The following MEN1 variants were observed in gnomAD, a reference collection of about 807,000 sequenced individuals.
The protein encoded by MEN1 is menin 1, also known as menin.
In MEN1, 6 loss-of-function variants were observed where a neutral mutation model predicts 58.0. The observed-to-expected ratio is 0.10, with a 90% CI of 0.06 to 0.20. The LOEUF is 0.20. Among genes scored for constraint, MEN1 ranks in the 10% least tolerant of loss-of-function variants. MEN1 has a pLI of 1.00. For missense variants in MEN1, 492 were observed against 818.5 expected, an observed-to-expected ratio of 0.60 and a Z score of 4.87; for synonymous variants, 346 against 350.7, an observed-to-expected ratio of 0.99 and a Z score of 0.15.
Position 64,807,223 on chromosome 11 carries a change from G to A in MEN1, c.784-4C>T, listed in dbSNP as rs1941794825. 3 of 1,612,848 alleles carry A rather than the reference G, an allele frequency of 1.9e-6. No homozygotes were observed. Among genetic ancestry groups the A allele is most frequent in the Non-Finnish European group, 2.5e-6 (3 of 1,179,814 alleles). ...CATAGAGCAGCCAGAGCAGCTTCTA[G>A]GAGCCGAAGGAGAGAGTTATGAGCC... On this transcript the variant is annotated splice_region_variant and splice_polypyrimidine_tract_variant and intron_variant, in intron 4 of 9. Transcript: ENST00000450708. This position sits in a 1 kb window ranked among gnomAD's most constrained non-coding sequence, Gnocchi z 4.9.
Position 64,807,381 on chromosome 11 carries a change from A to T in MEN1, c.784-162T>A, listed in dbSNP as rs1941806513. ...TTTAATGGAGTCAAAGCAATTTCAC[A>T]TCTCAATTCTACTCTCCCAAGAGCC... is the stretch of plus-strand genomic sequence containing the variant. On this transcript the variant is annotated intron_variant, in intron 4 of 9. Coordinates refer to ENST00000450708, the MANE Select transcript of MEN1 (RefSeq NM_001370259.2). The surrounding 1 kb of genome is among the most constrained non-coding windows in gnomAD (Gnocchi z 4.9). 6.6e-6 allele frequency among the ~76,000 whole-genome samples: 1 copy of T among 152,214 alleles called. No individual in the cohort carries two copies.
Position 64,809,562 on chromosome 11 carries a change from G to A in MEN1, c.445+103C>T. On this transcript the variant is annotated intron_variant, in intron 2 of 9. Transcript: ENST00000450708. ...AACTGCAAAGAGGAAAATAACACCTGCCGAACCTCACAAGGCTTACAGTTC... is the reference window on the plus strand; with the variant it reads ...AACTGCAAAGAGGAAAATAACACCTACCGAACCTCACAAGGCTTACAGTTC... The A allele has an allele frequency of 5.6e-6, 8 of 1,426,062 alleles. No individual in the cohort carries two copies. In the South Asian group the frequency reaches 1.0e-4, roughly 18 times the overall value. The allele number at this position is 1,426,062 out of a possible 1,614,324, so 88.3% of individuals were successfully genotyped here.
Position 64,807,581 on chromosome 11 carries a change from C to G in MEN1, c.754G>C (p.Asp252His), listed in dbSNP as rs770368608. Reference sequence around the variant, plus strand: ...TGCAGCTGCAGAAGCTCCAGCGAGTCGGTGTGCAGGTCAATGGAAGGGTTG... The same window carrying G: ...TGCAGCTGCAGAAGCTCCAGCGAGTGGGTGTGCAGGTCAATGGAAGGGTTG... The part of the protein sequence containing the change: ...AINPSIDLHT[D>H]SLELLQLQQK... The change falls in exon 4 of 10, where the codon GAC (aspartate) becomes CAC (histidine). Residue 252 changes from aspartate (D) to histidine (H), a missense_variant. Physicochemically the swap from Asp to His is moderately conservative, Grantham distance 81 (BLOSUM62 -1). Around this residue, in one of 5 missense-constraint regions of MEN1, gnomAD observed 335 missense variants for 550.3 expected, o/e 0.61. Coordinates refer to ENST00000450708, the MANE Select transcript of MEN1 (RefSeq NM_001370259.2). The surrounding 1 kb of genome is among the most constrained non-coding windows in gnomAD (Gnocchi z 4.9). 5 of 1,614,172 alleles carry G rather than the reference C, an allele frequency of 3.1e-6. No individual in the cohort carries two copies. Among genetic ancestry groups the G allele is most frequent in the Non-Finnish European group, 4.2e-6 (5 of 1,180,036 alleles).
In MEN1 at chr11:64,809,812, C is replaced by A. The variant is rs1592658683; in HGVS notation, c.298G>T (p.Ala100Ser). 1 of 1,613,564 alleles carries A rather than the reference C, an allele frequency of 6.2e-7. No individual in the cohort carries two copies. Among genetic ancestry groups the A allele is most frequent in the Non-Finnish European group, 8.5e-7 (1 of 1,179,858 alleles). Residue 100 changes from alanine to serine, a missense_variant, in exon 2 of 10, where the codon GCC (alanine) becomes TCC (serine). By Grantham distance (99) the Ala-to-Ser change is moderately conservative (BLOSUM62 1). Transcript: ENST00000450708. ...YARFTAQIRG[A>S]VDLSLYPREG... ...CGAGGATAGAGGGACAGGTCGACGG[C>A]GCCTCGGATCTGGGCGGTGAAGCGG...
chr11:64,804,025 CGAG>C lies in MEN1; in HGVS notation c.*306_*308del, dbSNP rs143341556. The C allele has an allele frequency of 0.029, 13,586 of 469,412 alleles. 1,525 individuals are homozygous for C. The highest frequency in any genetic ancestry group is 0.24 in the East Asian group (6,387 of 26,412). 29.1% of individuals were successfully genotyped at this position (469,412 alleles called of 1,614,324 possible). A position where few individuals can be genotyped will look rare whatever the true frequency, so the allele number is the denominator to read the frequency against. On this transcript the variant is annotated 3_prime_UTR_variant, in exon 10 of 10. Transcript: ENST00000450708. This position sits in a 1 kb window ranked among gnomAD's most constrained non-coding sequence, Gnocchi z 4.2. ...TGGTCTGGCTCTAGGTGAGCGGTTC[CGAG>C]GAGGAGCTTGGGTTTCTAGGGGCTG...
chr11:64,804,590 G>C lies in MEN1; in HGVS notation c.1577C>G (p.Ala526Gly). The C allele has an allele frequency of 6.2e-7, 1 of 1,611,634 alleles. No individual in the cohort carries two copies. The highest frequency in any genetic ancestry group is 1.1e-5 in the South Asian group (1 of 91,052). Residue 526 changes from alanine (A) to glycine (G), a missense_variant, in exon 10 of 10, where the codon GCC becomes GGC. Physicochemically the swap from Ala to Gly is moderately conservative, Grantham distance 60. Transcript: ENST00000450708. This position sits in a 1 kb window ranked among gnomAD's most constrained non-coding sequence, Gnocchi z 4.2. ...RKPPGTVAGTARGPEGGSTAQ... is the reference protein window; with the variant it reads ...RKPPGTVAGTGRGPEGGSTAQ... ...CGTGCTGCCACCTTCAGGGCCTCGGGCTGTGCCAGCGACAGTCCCAGGAGG... is the reference window on the plus strand; with the variant it reads ...CGTGCTGCCACCTTCAGGGCCTCGGCCTGTGCCAGCGACAGTCCCAGGAGG...
rs1555165742 is a variant in MEN1 at position 64,807,977 on chromosome 11, C to T, written c.568G>A (p.Gly190Arg). 1 of 1,614,066 alleles carries T rather than the reference C, an allele frequency of 6.2e-7. No homozygotes were observed. Among genetic ancestry groups the T allele is most frequent in the Admixed American group, 1.7e-5 (1 of 59,994 alleles). Residue 190 changes from glycine to arginine, a missense_variant, in exon 3 of 10, where the codon GGG (glycine) becomes AGG (arginine). This residue lies in a region of MEN1 where 335 missense variants were observed against 550.3 expected (regional missense o/e 0.61). Transcript: ENST00000450708. This position sits in a 1 kb window ranked among gnomAD's most constrained non-coding sequence, Gnocchi z 4.9. ...CAGGTGACCTCAGCTGTCTGCTCCC[C>T]ATTGGGCCCAAACACTACCCAGGCA... ...DHAWVVFGPN[G>R]EQTAEVTWHG...
Position 64,807,211 on chromosome 11 carries a change from G to A in MEN1, c.792C>T (p.Leu264=), listed in dbSNP as rs2136134213. The change falls in exon 5 of 10, where the codon CTC becomes CTT. Residue 264 remains leucine, a synonymous_variant. Coordinates refer to ENST00000450708, the MANE Select transcript of MEN1 (RefSeq NM_001370259.2). This position sits in a 1 kb window ranked among gnomAD's most constrained non-coding sequence, Gnocchi z 4.9. The part of the protein sequence containing the change: ...LELLQLQQKL[L]WLLYDLGHLE... ...GATGTCCCAGGTCATAGAGCAGCCA[G>A]AGCAGCTTCTAGGAGCCGAAGGAGA... is the stretch of plus-strand genomic sequence containing the variant. 1 of 1,613,658 alleles carries A rather than the reference G, an allele frequency of 6.2e-7. No individual in the cohort carries two copies. Among genetic ancestry groups the A allele is most frequent in the East Asian group, 2.2e-5 (1 of 44,886 alleles).
At position 64,804,690 on chromosome 11, in the gene MEN1, G is replaced by A. The variant is rs1941543089; in HGVS notation, c.1477C>T (p.Pro493Ser). 3 of 1,595,380 alleles carry A rather than the reference G, an allele frequency of 1.9e-6. No individual in the cohort carries two copies. Among genetic ancestry groups the A allele is most frequent in the Admixed American group, 1.7e-5 (1 of 58,778 alleles). Reference sequence around the variant, plus strand: ...TCCAGTGCTGGCTTCTTGGGCGGCGGGGGCTCCTCTGGCTTGGACTCCCGC... The same window carrying A: ...TCCAGTGCTGGCTTCTTGGGCGGCGAGGGCTCCTCTGGCTTGGACTCCCGC... ...PRRESKPEEP[P>S]PPKKPALDKG... The change falls in exon 10 of 10, where the codon CCG becomes TCG. Residue 493 changes from proline to serine, a missense_variant. Around this residue, in one of 5 missense-constraint regions of MEN1, gnomAD observed 79 missense variants for 82.5 expected, o/e 0.96. Coordinates refer to ENST00000450708, the MANE Select transcript of MEN1 (RefSeq NM_001370259.2). This position sits in a 1 kb window ranked among gnomAD's most constrained non-coding sequence, Gnocchi z 4.2.
chr11:64,811,026 A>G (rs986715759), upstream of MEN1: 1 of 152,060 alleles, frequency 6.6e-6, no homozygotes, highest in Non-Finnish European at 1.5e-5. Flanking sequence ...ACATATAAAG[A>G]TGCCTACTCT....
rs794728618 is a variant in MEN1 at position 64,808,030 on chromosome 11, T to A, written c.515A>T (p.Asp172Val). The change falls in exon 3 of 10, where the codon GAT becomes GTT. Residue 172 changes from aspartate (D) to valine (V), a missense_variant. Coordinates refer to ENST00000450708, the MANE Select transcript of MEN1 (RefSeq NM_001370259.2). ...ATCCTCAGACAGGGCGAGGTGGACA[T>A]CCCGGAGACCCAGGGCCTGGCAGGC... Reference protein sequence around the residue: ...VGACQALGLRDVHLALSEDHA... With the variant: ...VGACQALGLRVVHLALSEDHA... 1 of 1,613,990 alleles carries A rather than the reference T, an allele frequency of 6.2e-7. No individual in the cohort carries two copies.
intron 2 of MEN1, among the ~76,000 whole-genome samples, chr11:64,808,530 C>T (rs1941900575): frequency 6.6e-6 from 1 of 152,228 alleles, no homozygotes; most frequent in Admixed American, 6.5e-5. Context: ...AGCTGAGAAG[C>T]AGCCTCTGAT....
At chr11:64,808,773 G>A (rs188045677) in intron 2 of MEN1, among the ~76,000 whole-genome samples, 1 of 151,564 alleles carries the variant, frequency 6.6e-6, no homozygotes, top group Non-Finnish European at 1.5e-5. Flanking sequence ...GTGAAACCTC[G>A]TCTCTACTAA....
rs771297499 is a variant in MEN1 at position 64,804,793 on chromosome 11, C to T, written c.1374G>A (p.Val458=). Residue 458 remains valine (V), a synonymous_variant, in exon 10 of 10, where the codon GTG becomes GTA. Coordinates refer to ENST00000450708, the MANE Select transcript of MEN1 (RefSeq NM_001370259.2). The surrounding 1 kb of genome is among the most constrained non-coding windows in gnomAD (Gnocchi z 4.2). The part of the protein sequence containing the change: ...EGQVRQKVRI[V]SREAEAAEAE... ...CCTCGGCCGCCTCGGCCTCTCGGCT[C>T]ACTATGCGCACCTTCTGCCGCACCT... is the stretch of plus-strand genomic sequence containing the variant. 6.3e-7 allele frequency: 1 copy of T among 1,596,964 alleles called. No individual in the cohort carries two copies. Among genetic ancestry groups the T allele is most frequent in the South Asian group, 1.1e-5 (1 of 91,018 alleles).
chr11:64,810,153 G>A (rs1485838676), intron 1 of MEN1, 21 bp from the exon 2 acceptor site: 3 of 1,294,984 alleles, frequency 2.3e-6, no homozygotes, highest in South Asian at 1.4e-5. Context: ...AGCCGGGGGA[G>A]GGAGGGTCGG....
In MEN1 at chr11:64,803,705, C is replaced by G. The variant is rs1365137075; in HGVS notation, c.*629G>C. On this transcript the variant is annotated 3_prime_UTR_variant, in exon 10 of 10. Coordinates refer to ENST00000450708, the MANE Select transcript of MEN1 (RefSeq NM_001370259.2). Reference sequence around the variant, plus strand: ...AGGGAGGTCCTGCTCTGATCCGGGGCCAGTTTCGTCAGGAAGAGGGCGGGG... The same window carrying G: ...AGGGAGGTCCTGCTCTGATCCGGGGGCAGTTTCGTCAGGAAGAGGGCGGGG... 4.1e-6 allele frequency: 1 copy of G among 241,730 alleles called. No individual in the cohort carries two copies. The highest frequency in any genetic ancestry group is 8.2e-6 in the Non-Finnish European group (1 of 122,302). 15.0% of individuals were successfully genotyped at this position (241,730 alleles called of 1,614,324 possible).
intron 1 of MEN1, 156 bp from the exon 2 acceptor site, chr11:64,810,288 G>C: frequency 1.6e-6 from 1 of 612,210 alleles, no homozygotes; most frequent in Non-Finnish European, 2.9e-6. Context: ...TCTTTTGTCG[G>C]TGAGACCCCT....
chr11:64,810,373 A>C, intron 1 of MEN1, 141 bp downstream of exon 1: 1 of 532,424 alleles, frequency 1.9e-6, no homozygotes. Context: ...CGCCCCAAGC[A>C]CCCCAATGAG....
Position 64,807,604 on chromosome 11 carries a change from T to G in MEN1, c.731A>C (p.Asn244Thr). 1 of 1,614,046 alleles carries G rather than the reference T, an allele frequency of 6.2e-7. No individual in the cohort carries two copies. Among genetic ancestry groups the G allele is most frequent in the East Asian group, 2.2e-5 (1 of 44,882 alleles). ...GTCGGTGTGCAGGTCAATGGAAGGG[T>G]TGATGGCACACACCATGAACGCCAC... Reference protein sequence around the residue: ...MEVAFMVCAINPSIDLHTDSL... With the variant: ...MEVAFMVCAITPSIDLHTDSL... Residue 244 changes from asparagine (N) to threonine (T), a missense_variant, in exon 4 of 10, where the codon AAC (asparagine) becomes ACC (threonine). Physicochemically the swap from Asn to Thr is moderately conservative, Grantham distance 65 (BLOSUM62 0). This residue lies in a region of MEN1 where 335 missense variants were observed against 550.3 expected (regional missense o/e 0.61). Transcript: ENST00000450708. This position sits in a 1 kb window ranked among gnomAD's most constrained non-coding sequence, Gnocchi z 4.9.
Sources: gnomAD v4.1 joint callset for allele counts (sites outside exome capture counted in the v4.1 genomes callset) on GRCh38, gnomAD v4.1.1 for gene constraint, gnomAD v4.1.1 regional missense constraint, Gnocchi (gnomAD v3.1) non-coding constraint, MANE v1.5 for transcripts, NCBI Gene and HGNC (gene_info 2026-07-23, HGNC 2026-07-21) for gene names.